STARD13: variants seen among roughly 807,000 people sequenced by gnomAD.
STARD13 encodes stAR-related lipid transfer protein 13.
STARD13 carries 62 observed loss-of-function variants against 106.4 expected under a neutral mutation model. The observed-to-expected ratio is 0.58, with a 90% CI of 0.48 to 0.72. STARD13 has a LOEUF of 0.72. Ranked by LOEUF, STARD13 falls within the 30% of genes least tolerant of loss-of-function variation. The pLI is 0.00. For missense variants in STARD13, 1,387 were observed against 1,424.0 expected, an observed-to-expected ratio of 0.97 and a Z score of 0.42; for synonymous variants, 565 against 553.0, an observed-to-expected ratio of 1.02 and a Z score of -0.31.
the STARD13 span, among the ~76,000 whole-genome samples, chr13:33,387,126 C>T: frequency 1.8e-4 from 28 of 152,108 alleles, no homozygotes; most frequent in African/African-American, 5.6e-4. Flanking sequence ...CCACTTCAGC[C>T]TCTCCAGTAG....
At chr13:33,218,295 G>C (rs1327270999) in intron 1 of STARD13, among the ~76,000 whole-genome samples, 1 of 149,194 alleles carries the variant, frequency 6.7e-6, no homozygotes, top group African/African-American at 2.4e-5. Flanking sequence ...AATGTGGGCT[G>C]TCCTGGGGAG....
the STARD13 span, among the ~76,000 whole-genome samples, chr13:33,404,861 C>G: frequency 3.9e-3 from 594 of 151,354 alleles, 4 homozygotes; most frequent in African/African-American, 0.011. Context: ...ACTGCAACCT[C>G]GGCCTCCCAG....
At chr13:33,320,071 A>G (rs1893498930) in intron 1 of STARD13, among the ~76,000 whole-genome samples, 1 of 152,260 alleles carries the variant, frequency 6.6e-6, no homozygotes, top group Non-Finnish European at 1.5e-5. Flanking sequence ...GAAAGCACTA[A>G]TTATAGAGTA....
At chr13:33,515,758 G>T in the STARD13 span, among the ~76,000 whole-genome samples, 1 of 152,104 alleles carries the variant, frequency 6.6e-6, no homozygotes, top group Non-Finnish European at 1.5e-5. Context: ...TAATTATTGA[G>T]CAGTACATGT....
At chr13:33,172,556 A>G (rs1884088638) in intron 1 of STARD13, among the ~76,000 whole-genome samples, 1 of 152,212 alleles carries the variant, frequency 6.6e-6, no homozygotes. Context: ...TGCAGGCCTC[A>G]TCTCACATTA....
chr13:33,322,911 C>T (rs1357546884), intron 1 of STARD13, among the ~76,000 whole-genome samples: 3 of 152,178 alleles, frequency 2.0e-5, no homozygotes, highest in Non-Finnish European at 2.9e-5. Context: ...GCATTATGAA[C>T]AAGCAGTAGT....
intron 1 of STARD13, among the ~76,000 whole-genome samples, chr13:33,196,112 C>T (rs1886597997): frequency 6.6e-6 from 1 of 152,208 alleles, no homozygotes; most frequent in Non-Finnish European, 1.5e-5. Flanking sequence ...AGGCTGGGTG[C>T]AGTGGCTCAC....
intron 3 of STARD13, among the ~76,000 whole-genome samples, chr13:33,147,933 T>TA (rs1880767724): frequency 6.6e-6 from 1 of 152,152 alleles, no homozygotes; most frequent in Admixed American, 6.5e-5. Context: ...AGAGTCAACT[T>TA]ACGTTTATAA....
intron 1 of STARD13, chr13:33,206,004 G>A: frequency 1.0e-6 from 1 of 985,376 alleles, no homozygotes; most frequent in Non-Finnish European, 1.2e-6. Context: ...TGTTGTCTGT[G>A]AGACTGGTCC....
chr13:33,360,349 C>T, the STARD13 span, among the ~76,000 whole-genome samples: 145 of 151,974 alleles, frequency 9.5e-4, 1 homozygote, highest in African/African-American at 3.1e-3. Flanking sequence ...GGACTATAGG[C>T]GCGTGCCACC....
the STARD13 span, among the ~76,000 whole-genome samples, chr13:33,532,398 T>TA: frequency 6.6e-6 from 1 of 152,080 alleles, no homozygotes; most frequent in Admixed American, 6.6e-5. Context: ...TGTGGTAGAG[T>TA]GTCTTGATAT....
At chr13:33,553,505 TTAATAG>T in the STARD13 span, among the ~76,000 whole-genome samples, 1 of 151,898 alleles carries the variant, frequency 6.6e-6, no homozygotes, top group African/African-American at 2.4e-5. Flanking sequence ...TACCAATATG[TTAATAG>T]TAATTTTGTA....
chr13:33,128,820 C>G, intron 5 of STARD13, 109 bp downstream of exon 5: 2 of 1,129,840 alleles, frequency 1.8e-6, no homozygotes, highest in Non-Finnish European at 2.5e-6. Flanking sequence ...TCACTTAGAA[C>G]AGAGTCAGGC....
At chr13:33,393,736 G>A in the STARD13 span, among the ~76,000 whole-genome samples, 1 of 152,124 alleles carries the variant, frequency 6.6e-6, no homozygotes, top group Non-Finnish European at 1.5e-5. Context: ...TCTTACTGGG[G>A]TGCATACTAT....
At chr13:33,267,416 T>C (rs949354354) in intron 1 of STARD13, among the ~76,000 whole-genome samples, 1 of 152,160 alleles carries the variant, frequency 6.6e-6, no homozygotes, top group African/African-American at 2.4e-5. Context: ...ACAGCTATCA[T>C]GAGAACTGAA....
At chr13:33,121,845 A>G (rs1876369553) in intron 7 of STARD13, among the ~76,000 whole-genome samples, 1 of 128,746 alleles carries the variant, frequency 7.8e-6, no homozygotes. Context: ...ACGCCCAGCT[A>G]ATTTTTTTTT....
chr13:33,442,618 A>G, the STARD13 span, among the ~76,000 whole-genome samples: 1 of 152,232 alleles, frequency 6.6e-6, no homozygotes, highest in East Asian at 1.9e-4. Flanking sequence ...ATTATCTGAA[A>G]TTAAAGCAAC....
chr13:33,302,816 A>G (rs1454607029), intron 1 of STARD13, among the ~76,000 whole-genome samples: 1 of 152,170 alleles, frequency 6.6e-6, no homozygotes, highest in Non-Finnish European at 1.5e-5. Context: ...GTTTGCATAT[A>G]TAGCTCTCAG....
At chr13:33,413,843 C>A in the STARD13 span, among the ~76,000 whole-genome samples, 2 of 151,802 alleles carry the variant, frequency 1.3e-5, no homozygotes, top group Non-Finnish European at 2.9e-5. Flanking sequence ...ACCATCCTGG[C>A]TAATACGGTA....
Sources: allele counts gnomAD v4.1 joint callset (sites outside exome capture counted in the v4.1 genomes callset), GRCh38; gene constraint gnomAD v4.1.1; transcripts MANE v1.5; gene names NCBI Gene and HGNC (gene_info 2026-07-23, HGNC 2026-07-21).